The following VCAN variants were observed in gnomAD, a reference collection of about 807,000 sequenced individuals.
VCAN encodes the protein versican, also known as versican core protein.
A neutral mutation model predicts 245.5 loss-of-function variants in VCAN; 44 were observed. The observed-to-expected ratio is 0.18, with a 90% confidence interval of 0.14 to 0.23. VCAN has a LOEUF of 0.23. Ranked by LOEUF, VCAN falls within the 10% of genes least tolerant of loss-of-function variation. The probability of loss-of-function intolerance (pLI) is 1.00; values close to 1 mark genes in which losing one functional copy is unlikely to be tolerated. For missense variants in VCAN, 3,793 were observed against 4,057.9 expected, an observed-to-expected ratio of 0.93 and a Z score of 1.77; for synonymous variants, 1,413 against 1,437.0, an observed-to-expected ratio of 0.98 and a Z score of 0.38.
chr5:83,521,620 C>G lies in VCAN; in HGVS notation c.3314C>G (p.Pro1105Arg). The change falls in exon 7 of 15, where the codon CCA (proline) becomes CGA (arginine). Residue 1105 changes from proline (P) to arginine (R), a missense_variant. Transcript: ENST00000265077. The stretch of plus-strand genomic sequence containing the variant: ...AAAATTGATCACAGTGTGTCTTATC[C>G]ACCAGGTGCTGTAACTGAGCACAAA... ...VGKIDHSVSY[P>R]PGAVTEHKVK... 6.2e-7 allele frequency: 1 copy of G among 1,613,934 alleles called. No homozygotes were observed. The highest frequency in any genetic ancestry group is 1.3e-5 in the African/African-American group (1 of 75,032).
chr5:83,473,453 C>T (rs1222826525), intron 1 of VCAN, among the ~76,000 whole-genome samples: 2 of 152,132 alleles, frequency 1.3e-5, no homozygotes, highest in African/African-American at 2.4e-5. Flanking sequence ...GGTCGCGTTC[C>T]TCATCTTTGT....
At chr5:83,570,657 T>G (rs926322368) in intron 12 of VCAN, among the ~76,000 whole-genome samples, 3 of 152,048 alleles carry the variant, frequency 2.0e-5, no homozygotes, top group African/African-American at 7.2e-5. Flanking sequence ...TGCCAAGTAT[T>G]AGAGATATAA....
intron 7 of VCAN, among the ~76,000 whole-genome samples, chr5:83,530,770 G>T (rs950669529): frequency 1.3e-5 from 2 of 152,026 alleles, no homozygotes; most frequent in East Asian, 3.9e-4. Flanking sequence ...GTGGTGATGC[G>T]TTTTAGTAGA....
At chr5:83,499,303 T>A (rs1745258844) in intron 5 of VCAN, among the ~76,000 whole-genome samples, 1 of 152,178 alleles carries the variant, frequency 6.6e-6, no homozygotes, top group East Asian at 1.9e-4. Flanking sequence ...GCAAAATTAT[T>A]GTAAGCTCCT....
rs1159355201 is a variant in VCAN at position 83,539,365 on chromosome 5, A to G, written c.6362A>G (p.Gln2121Arg). The change falls in exon 8 of 15, where the codon CAA becomes CGA. Residue 2121 changes from glutamine to arginine, a missense_variant. Coordinates refer to ENST00000265077, the MANE Select transcript of VCAN (RefSeq NM_004385.5). ...GAAACAACATCAGAGGAACAAATTCAAGAAGAAAAGTCATTTGAATCCCCT... is the reference window on the plus strand; with the variant it reads ...GAAACAACATCAGAGGAACAAATTCGAGAAGAAAAGTCATTTGAATCCCCT... ...ESETTSEEQI[Q>R]EEKSFESPQN... 4 of 1,614,006 alleles carry G rather than the reference A, an allele frequency of 2.5e-6. No individual in the cohort carries two copies. The highest frequency in any genetic ancestry group is 4.5e-5 in the East Asian group (2 of 44,884).
rs139730890 is a variant in VCAN at position 83,539,652 on chromosome 5, C to T, written c.6649C>T (p.Pro2217Ser). ...LATALVTESI[P>S]AEHVVTDSPI... is the part of the protein sequence containing the mutation. The stretch of plus-strand genomic sequence containing the variant: ...TACTGCATTAGTAACTGAATCTATA[C>T]CAGCTGAACATGTAGTCACAGATTC... The change falls in exon 8 of 15, where the codon CCA becomes TCA. Residue 2217 changes from proline to serine, a missense_variant. Coordinates refer to ENST00000265077, the MANE Select transcript of VCAN (RefSeq NM_004385.5). 31 of 1,613,892 alleles carry T rather than the reference C, an allele frequency of 1.9e-5. No homozygotes were observed. The East Asian group carries it at 2.5e-4, about 13-fold the overall frequency.
chr5:83,474,916 T>C (rs959183552), intron 1 of VCAN, among the ~76,000 whole-genome samples: 1 of 152,244 alleles, frequency 6.6e-6, no homozygotes, highest in Non-Finnish European at 1.5e-5. Flanking sequence ...CGTGCTTTTG[T>C]TTTGAGGCAG....
At chr5:83,488,140 C>A (rs1265805718) in intron 2 of VCAN, among the ~76,000 whole-genome samples, 1 of 152,076 alleles carries the variant, frequency 6.6e-6, no homozygotes, top group African/African-American at 2.4e-5. Flanking sequence ...AAAATTCTCA[C>A]CCTTTCTCTT....
intron 7 of VCAN, among the ~76,000 whole-genome samples, chr5:83,529,657 C>T (rs1746444429): frequency 6.6e-6 from 1 of 152,064 alleles, no homozygotes; most frequent in Admixed American, 6.6e-5. Flanking sequence ...AATTACTTAA[C>T]CTCCACAGGC....
At chr5:83,573,366 T>G (rs1232209595) in intron 13 of VCAN, among the ~76,000 whole-genome samples, 1 of 152,074 alleles carries the variant, frequency 6.6e-6, no homozygotes, top group Non-Finnish European at 1.5e-5. Flanking sequence ...GTACTAGAGC[T>G]GAGAACCACT....
chr5:83,522,653 T>G (rs1218209638), intron 7 of VCAN, among the ~76,000 whole-genome samples: 1 of 152,210 alleles, frequency 6.6e-6, no homozygotes, highest in Non-Finnish European at 1.5e-5. Flanking sequence ...AGCACTAGAC[T>G]GTGTTAACAT....
rs1010381574 is a variant in VCAN, at chr5:83,581,205, G to C, written c.*771G>C. The C allele has an allele frequency of 1.3e-5, 2 of 152,274 alleles. No individual in the cohort carries two copies. Among genetic ancestry groups the C allele is most frequent in the Admixed American group, 6.6e-5 (1 of 15,208 alleles). 9.4% of individuals were successfully genotyped at this position (152,274 alleles called of 1,614,324 possible). On this transcript the variant is annotated 3_prime_UTR_variant, in exon 15 of 15. Coordinates refer to ENST00000265077, the MANE Select transcript of VCAN (RefSeq NM_004385.5). ...AAAGTGCTAATAATTAACTCAACCA[G>C]GTCTACTTTTTAATGGCTTTCATAA...
chr5:83,531,578 T>C (rs891453163), intron 7 of VCAN, among the ~76,000 whole-genome samples: 1 of 152,170 alleles, frequency 6.6e-6, no homozygotes, highest in Non-Finnish European at 1.5e-5. Context: ...AAAATCCATT[T>C]TAAAAAAGAA....
intron 1 of VCAN, among the ~76,000 whole-genome samples, chr5:83,479,032 T>G (rs1276562824): frequency 6.6e-6 from 1 of 152,148 alleles, no homozygotes; most frequent in Non-Finnish European, 1.5e-5. Context: ...CAAGTCCAGG[T>G]TCAGGAATTC....
Position 83,541,610 on chromosome 5 carries a change from T to C in VCAN, c.8607T>C (p.His2869=), listed in dbSNP as rs774113594. 8.7e-6 allele frequency: 14 copies of C among 1,613,756 alleles called. No homozygotes were observed. The highest frequency in any genetic ancestry group is 1.2e-5 in the Non-Finnish European group (14 of 1,179,996). Reference sequence around the variant, plus strand: ...CACAGGATTCTTTTAAGGAAATTCATGTAAATATTGAAGCGACTTTCAAAC... The same window carrying C: ...CACAGGATTCTTTTAAGGAAATTCACGTAAATATTGAAGCGACTTTCAAAC... The part of the protein sequence containing the change: ...MSPQDSFKEI[H]VNIEATFKPS... The change falls in exon 8 of 15, where the codon CAT becomes CAC. Residue 2869 remains histidine, a synonymous_variant. Transcript: ENST00000265077.
At position 83,565,442 on chromosome 5, in the gene VCAN, A is replaced by T. The variant is rs1032373860; in HGVS notation, c.9736-6974A>T. Reference sequence around the variant, plus strand: ...GTGTGTGTGTATGTGTGAGAGAGAGACAGAGTCTCAAATTTATGACTCACA... The same window carrying T: ...GTGTGTGTGTATGTGTGAGAGAGAGTCAGAGTCTCAAATTTATGACTCACA... On this transcript the variant is annotated intron_variant, in intron 12 of 14. Coordinates refer to ENST00000265077, the MANE Select transcript of VCAN (RefSeq NM_004385.5). 4.0e-5 allele frequency among the ~76,000 whole-genome samples: 6 copies of T among 151,392 alleles called. No homozygotes were observed. In the East Asian group the frequency reaches 7.7e-4, roughly 20 times the overall value.
At chr5:83,511,395 C>T (rs1260769279) in intron 5 of VCAN, among the ~76,000 whole-genome samples, 1 of 151,890 alleles carries the variant, frequency 6.6e-6, no homozygotes, top group Non-Finnish European at 1.5e-5. Flanking sequence ...GTTCCTTTGG[C>T]TGGCTGAGTG....
chr5:83,553,345 C>T lies in VCAN; in HGVS notation c.9494-19C>T, dbSNP rs1747543577. On this transcript the variant is annotated intron_variant, in intron 10 of 14. Transcript: ENST00000265077. ...ATGACGTATGTGCGTTTAATAAGCT[C>T]CTGCCTGTTTCTTCTCAGATACCGA... The T allele has an allele frequency of 1.2e-6, 2 of 1,613,634 alleles. No homozygotes were observed. Among genetic ancestry groups the T allele is most frequent in the African/African-American group, 1.3e-5 (1 of 74,878 alleles).
rs951638402 is a variant in VCAN at position 83,532,120 on chromosome 5, G to A, written c.4004-4887G>A. ...ATGAAATAGAGCACATCTCCATTTC[G>A]GAATGAGATACCTCCTCTCACAGTA... is the stretch of plus-strand genomic sequence containing the variant. On this transcript the variant is annotated intron_variant, in intron 7 of 14. Coordinates refer to ENST00000265077, the MANE Select transcript of VCAN (RefSeq NM_004385.5). Among the ~76,000 whole-genome samples, 41 of 151,984 alleles carry A rather than the reference G, an allele frequency of 2.7e-4. 1 individual carries two copies. Among genetic ancestry groups the A allele is most frequent in the Admixed American group, 2.7e-3 (41 of 15,240 alleles).
Sources: allele counts gnomAD v4.1 joint callset (sites outside exome capture counted in the v4.1 genomes callset), GRCh38; gene constraint gnomAD v4.1.1; transcripts MANE v1.5; gene names NCBI Gene and HGNC (gene_info 2026-07-23, HGNC 2026-07-21).